C14orf119: variants seen among roughly 807,000 people sequenced by gnomAD.
C14orf119 encodes chromosome 14 open reading frame 119.
A neutral mutation model predicts 13.5 loss-of-function variants in C14orf119; 17 were observed. The observed-to-expected ratio is 1.26, with a 90% CI of 0.86 to 1.88. The LOEUF (loss-of-function observed/expected upper bound fraction) is 1.88. Ranked by LOEUF, C14orf119 falls within the 40% of genes most tolerant of loss-of-function variation. The pLI is 0.00. For synonymous variants in C14orf119, 61 were observed against 61.9 expected (o/e 0.99, Z 0.07); for missense variants, 162 against 165.9 (o/e 0.98, Z 0.13).
rs1054850589 is a variant in C14orf119, at chr14:23,099,768, C to T, written c.*1687C>T. ...CTTAAAGATAGAGCTCATGAAGCCCCGCCTCATCCAAGCATTAAGCTAAAC... is the reference window on the plus strand; with the variant it reads ...CTTAAAGATAGAGCTCATGAAGCCCTGCCTCATCCAAGCATTAAGCTAAAC... On this transcript the variant is annotated 3_prime_UTR_variant, in exon 2 of 2. Transcript: ENST00000319074. 3.2e-5 allele frequency: 8 copies of T among 248,450 alleles called. No homozygotes were observed. The highest frequency in any genetic ancestry group is 1.1e-4 in the Admixed American group (2 of 17,646). The allele number at this position is 248,450 out of a possible 1,614,324, so 15.4% of individuals were successfully genotyped here. A position where few individuals can be genotyped will look rare whatever the true frequency, so the allele number is the denominator to read the frequency against.
Position 23,097,737 on chromosome 14 carries a change from TC to T in C14orf119, c.83del (p.Pro28LeufsTer3). Reference protein sequence around the residue: ...LPSVPHNTNPSPPLMSYITSQ... With the variant: ...LPSVPHNTNPXPPLMSYITSQ... ...CTCAGTACCACACAATACTAACCCT[TC>T]CCCTCCTCTGATGTCTTACATCACC... is the stretch of plus-strand genomic sequence containing the variant. On this transcript the variant is annotated frameshift_variant, in exon 2 of 2. Transcript: ENST00000319074. LOFTEE classifies it high-confidence loss of function. The T allele has an allele frequency of 6.2e-7, 1 of 1,613,988 alleles. No homozygotes were observed. The highest frequency in any genetic ancestry group is 8.5e-7 in the Non-Finnish European group (1 of 1,179,884).
intron 1 of C14orf119, among the ~76,000 whole-genome samples, chr14:23,096,508 C>CAAAAAAA (rs61586635): frequency 4.6e-4 from 29 of 62,660 alleles, no homozygotes; most frequent in African/African-American, 2.1e-3. Flanking sequence ...GACTCCGTCT[C>CAAAAAAA]AAAAAAAAAA....
chr14:23,098,034 G>T lies in C14orf119; in HGVS notation c.376G>T (p.Val126Leu). The change falls in exon 2 of 2, where the codon GTG becomes TTG. Residue 126 changes from valine to leucine, a missense_variant. Val to Leu is a conservative substitution (Grantham distance 32). Coordinates refer to ENST00000319074, the MANE Select transcript of C14orf119 (RefSeq NM_017924.4). The part of the protein sequence containing the change: ...RQLEFSEPDF[V>L]AKFYQAVAAT... ...GCTGGAGTTCAGTGAGCCAGACTTC[G>T]TGGCAAAGTTTTACCAAGCAGTGGC... 6.2e-7 allele frequency: 1 copy of T among 1,614,134 alleles called. No homozygotes were observed. The highest frequency in any genetic ancestry group is 2.2e-5 in the East Asian group (1 of 44,888).
intron 1 of C14orf119, among the ~76,000 whole-genome samples, chr14:23,095,940 C>T (rs2048364237): frequency 1.3e-5 from 2 of 152,182 alleles, no homozygotes. Flanking sequence ...TTCCTTGCTC[C>T]GCAGAAGAGA....
In C14orf119 at chr14:23,097,969, G is replaced by T. The variant is rs769214315; in HGVS notation, c.311G>T (p.Arg104Leu). Residue 104 changes from arginine to leucine, a missense_variant, in exon 2 of 2, where the codon CGA (arginine) becomes CTA (leucine). Transcript: ENST00000319074. Reference sequence around the variant, plus strand: ...CTACATCTTTGGGATCAGTGGTTTCGAGGCTGGGCTGAGCAGGAGCGCAAT... The same window carrying T: ...CTACATCTTTGGGATCAGTGGTTTCTAGGCTGGGCTGAGCAGGAGCGCAAT... ...CQLHLWDQWF[R>L]GWAEQERNEF... is the part of the protein sequence containing the mutation. 2 of 1,614,182 alleles carry T rather than the reference G, an allele frequency of 1.2e-6. No individual in the cohort carries two copies. The highest frequency in any genetic ancestry group is 8.5e-7 in the Non-Finnish European group (1 of 1,180,032).
In C14orf119 at chr14:23,099,565, T is replaced by TTG; in HGVS notation, c.*1485_*1486insGT. 2.5e-6 allele frequency: 1 copy of TTG among 406,224 alleles called. No homozygotes were observed. Among genetic ancestry groups the TTG allele is most frequent in the East Asian group, 3.6e-5 (1 of 27,966 alleles). 25.2% of individuals were successfully genotyped at this position (406,224 alleles called of 1,614,324 possible). ...AGATAAAGCGGCATTACCTTTTTTT[T>TTG]TTTTTTTTTTTGGAGACAAGGTCTT... On this transcript the variant is annotated 3_prime_UTR_variant, in exon 2 of 2. Coordinates refer to ENST00000319074, the MANE Select transcript of C14orf119 (RefSeq NM_017924.4).
In C14orf119 at chr14:23,097,993, A is replaced by G. The variant is rs1464777026; in HGVS notation, c.335A>G (p.Asn112Ser). Reference protein sequence around the residue: ...WFRGWAEQERNEFVRQLEFSE... With the variant: ...WFRGWAEQERSEFVRQLEFSE... ...CGAGGCTGGGCTGAGCAGGAGCGCA[A>G]TGAATTTGTCAGACAGCTGGAGTTC... The change falls in exon 2 of 2, where the codon AAT becomes AGT. Residue 112 changes from asparagine (N) to serine (S), a missense_variant. Coordinates refer to ENST00000319074, the MANE Select transcript of C14orf119 (RefSeq NM_017924.4). The G allele has an allele frequency of 1.2e-6, 2 of 1,614,142 alleles. No individual in the cohort carries two copies. The highest frequency in any genetic ancestry group is 1.6e-4 in the Middle Eastern group (1 of 6,062).
chr14:23,097,866 T>C lies in C14orf119; in HGVS notation c.208T>C (p.Leu70=). ...DLVAKAVPEK[L]QPLLDSLEQL... ...GGTAGCTAAGGCAGTGCCAGAAAAA[T>C]TACAACCACTGCTGGATAGTCTGGA... The change falls in exon 2 of 2, where the codon TTA becomes CTA. Residue 70 remains leucine (L), a synonymous_variant. Transcript: ENST00000319074. 1 of 1,614,112 alleles carries C rather than the reference T, an allele frequency of 6.2e-7. No homozygotes were observed. The highest frequency in any genetic ancestry group is 8.5e-7 in the Non-Finnish European group (1 of 1,180,012).
At chr14:23,096,139 T>G (rs989172076) in intron 1 of C14orf119, among the ~76,000 whole-genome samples, 1 of 152,192 alleles carries the variant, frequency 6.6e-6, no homozygotes, top group Non-Finnish European at 1.5e-5. Flanking sequence ...GTTTAGAGAT[T>G]TAAGAGATAC....
In C14orf119 at chr14:23,098,155, T is replaced by C. The variant is rs2048401287; in HGVS notation, c.*74T>C. 1 of 1,508,416 alleles carries C rather than the reference T, an allele frequency of 6.6e-7. No homozygotes were observed. The highest frequency in any genetic ancestry group is 1.2e-5 in the South Asian group (1 of 80,524). The allele number at this position is 1,508,416 out of a possible 1,614,324, so 93.4% of individuals were successfully genotyped here. A position where few individuals can be genotyped will look rare whatever the true frequency, so the allele number is the denominator to read the frequency against. On this transcript the variant is annotated 3_prime_UTR_variant, in exon 2 of 2. Transcript: ENST00000319074. ...CTCTACAATGATAACTCAATTCAAATGTGTCGCCTAAAGCTCTGGAACTGG... is the reference window on the plus strand; with the variant it reads ...CTCTACAATGATAACTCAATTCAAACGTGTCGCCTAAAGCTCTGGAACTGG...
rs61586635 is a variant in C14orf119, at chr14:23,096,508, C to CAAAA, written c.-2+912_-2+915dup. On this transcript the variant is annotated intron_variant, in intron 1 of 1. Coordinates refer to ENST00000319074, the MANE Select transcript of C14orf119 (RefSeq NM_017924.4). Reference sequence around the variant, plus strand: ...TGGGTGACAGAGCAAGACTCCGTCTCAAAAAAAAAAAAAAAAAAAAAAAAA... The same window carrying CAAAA: ...TGGGTGACAGAGCAAGACTCCGTCTCAAAAAAAAAAAAAAAAAAAAAAAAAAAAA... 2.7e-4 allele frequency among the ~76,000 whole-genome samples: 17 copies of CAAAA among 62,656 alleles called. 1 individual carries two copies. The highest frequency in any genetic ancestry group is 7.2e-4 in the African/African-American group (9 of 12,570). 41.1% of individuals were successfully genotyped at this position (62,656 alleles called of 152,430 possible).
In C14orf119 at chr14:23,098,109, A is replaced by G. The variant is rs781500246; in HGVS notation, c.*28A>G. Reference sequence around the variant, plus strand: ...GGCATTCAGACCAAAGAAGATAACCATAGCTGATGGAGCCATGACTCTCTA... The same window carrying G: ...GGCATTCAGACCAAAGAAGATAACCGTAGCTGATGGAGCCATGACTCTCTA... On this transcript the variant is annotated 3_prime_UTR_variant, in exon 2 of 2. Coordinates refer to ENST00000319074, the MANE Select transcript of C14orf119 (RefSeq NM_017924.4). 47 of 1,595,726 alleles carry G rather than the reference A, an allele frequency of 2.9e-5. No individual in the cohort carries two copies. The East Asian group carries it at 1.1e-3, about 36-fold the overall frequency.
rs1159772195 is a variant in C14orf119 at position 23,099,504 on chromosome 14, G to A, written c.*1423G>A. The stretch of plus-strand genomic sequence containing the variant: ...TAACCAGCAACCTAGGAACATAGAA[G>A]GTAATATTTGGCATGGAATAATGCC... On this transcript the variant is annotated 3_prime_UTR_variant, in exon 2 of 2. Transcript: ENST00000319074. The A allele has an allele frequency of 7.3e-6, 3 of 411,798 alleles. No individual in the cohort carries two copies. In the East Asian group the frequency reaches 1.1e-4, roughly 15 times the overall value. The allele number at this position is 411,798 out of a possible 1,614,324, so 25.5% of individuals were successfully genotyped here.
intron 1 of C14orf119, among the ~76,000 whole-genome samples, chr14:23,096,341 A>T (rs955009797): frequency 6.6e-6 from 1 of 151,042 alleles, no homozygotes; most frequent in Admixed American, 6.6e-5. Context: ...ATATGGTGAA[A>T]CCCCGTCTCT....
intron 1 of C14orf119, among the ~76,000 whole-genome samples, chr14:23,096,884 C>T (rs940840557): frequency 6.6e-6 from 1 of 152,106 alleles, no homozygotes; most frequent in Admixed American, 6.5e-5. Context: ...GCGTCTGGCC[C>T]ATACTAAATA....
intron 1 of C14orf119, among the ~76,000 whole-genome samples, chr14:23,095,954 A>G (rs1343942477): frequency 6.6e-6 from 1 of 152,246 alleles, no homozygotes; most frequent in African/African-American, 2.4e-5. Flanking sequence ...GAAGAGAGTA[A>G]GTTCCCTTGG....
rs778297554 is a variant in C14orf119, at chr14:23,098,054, A to G, written c.396A>G (p.Ala132=). 1 of 1,614,076 alleles carries G rather than the reference A, an allele frequency of 6.2e-7. No individual in the cohort carries two copies. Among genetic ancestry groups the G allele is most frequent in the East Asian group, 2.2e-5 (1 of 44,888 alleles). ...ACTTCGTGGCAAAGTTTTACCAAGCAGTGGCTGCTACAGCTGGTAAGGACT... is the reference window on the plus strand; with the variant it reads ...ACTTCGTGGCAAAGTTTTACCAAGCGGTGGCTGCTACAGCTGGTAAGGACT... ...EPDFVAKFYQ[A]VAATAGKD is the part of the protein sequence containing the mutation. The change falls in exon 2 of 2, where the codon GCA becomes GCG. Residue 132 remains alanine, a synonymous_variant. Transcript: ENST00000319074.
At chr14:23,096,480 G>T (rs2048374215) in intron 1 of C14orf119, among the ~76,000 whole-genome samples, 1 of 122,338 alleles carries the variant, frequency 8.2e-6, no homozygotes, top group African/African-American at 3.3e-5. Context: ...TTGCACTACA[G>T]CCTGGGTGAC....
Position 23,098,816 on chromosome 14 carries a change from A to C in C14orf119, c.*735A>C, listed in dbSNP as rs1444342815. ...ATCTAGGACTACAGGCCCGCACAAC[A>C]ATATCTGGCTAATTTTTAAATTATT... On this transcript the variant is annotated 3_prime_UTR_variant, in exon 2 of 2. Coordinates refer to ENST00000319074, the MANE Select transcript of C14orf119 (RefSeq NM_017924.4). The C allele has an allele frequency of 6.2e-6, 1 of 160,954 alleles. No individual in the cohort carries two copies. The highest frequency in any genetic ancestry group is 1.5e-5 in the Non-Finnish European group (1 of 68,148). The allele number at this position is 160,954 out of a possible 1,614,324, so 10.0% of individuals were successfully genotyped here.
Sources: gnomAD v4.1 joint callset for allele counts (sites outside exome capture counted in the v4.1 genomes callset) on GRCh38, gnomAD v4.1.1 for gene constraint, MANE v1.5 for transcripts, NCBI Gene and HGNC (gene_info 2026-07-23, HGNC 2026-07-21) for gene names.